IL1RAPL2: variants seen among roughly 807,000 people sequenced by gnomAD.
IL1RAPL2 encodes interleukin 1 receptor accessory protein like 2.
A neutral mutation model predicts 44.1 loss-of-function variants in IL1RAPL2; 3 were observed. The ratio of observed to expected loss-of-function variants is 0.07; its 90% CI spans 0.03 to 0.18. The LOEUF is 0.18. Among genes scored for constraint, IL1RAPL2 ranks in the 10% least tolerant of loss-of-function variants. IL1RAPL2 has a pLI of 1.00. For missense variants in IL1RAPL2, 391 were observed against 496.4 expected, an observed-to-expected ratio of 0.79 and a Z score of 2.02; for synonymous variants, 181 against 178.8, an observed-to-expected ratio of 1.01 and a Z score of -0.10.
At chrX:104,998,442 G>A (rs2030787792) in intron 2 of IL1RAPL2, among the ~76,000 whole-genome samples, 1 of 110,823 alleles carries the variant, frequency 9.0e-6, no homozygotes, top group Non-Finnish European at 1.9e-5. Flanking sequence ...GAAGAATATG[G>A]TAACAAGGGG....
chrX:104,716,348 C>T (rs1168512670), intron 2 of IL1RAPL2, among the ~76,000 whole-genome samples: 4 of 110,629 alleles, frequency 3.6e-5, no homozygotes, highest in Non-Finnish European at 7.6e-5. Flanking sequence ...TAGGTAATAC[C>T]ATTCAGAACA....
At chrX:105,517,509 G>A (rs1207791989) in intron 6 of IL1RAPL2, among the ~76,000 whole-genome samples, 1 of 110,921 alleles carries the variant, frequency 9.0e-6, no homozygotes, top group Non-Finnish European at 1.9e-5. Flanking sequence ...TTCTGCACTT[G>A]CTCTATCATT....
At chrX:105,242,602 G>A (rs2034180571) in intron 4 of IL1RAPL2, among the ~76,000 whole-genome samples, 1 of 111,269 alleles carries the variant, frequency 9.0e-6, no homozygotes, top group African/African-American at 3.3e-5. Context: ...ACTGTTAGGT[G>A]GAACCACAAA....
chrX:105,027,834 C>A (rs766287895), intron 2 of IL1RAPL2, among the ~76,000 whole-genome samples: 3 of 111,540 alleles, frequency 2.7e-5, no homozygotes, highest in Middle Eastern at 9.3e-3. Flanking sequence ...TGGGCACATA[C>A]CCAAAAGAAA....
At chrX:104,959,726 A>G (rs2029969241) in intron 2 of IL1RAPL2, among the ~76,000 whole-genome samples, 1 of 110,905 alleles carries the variant, frequency 9.0e-6, no homozygotes, top group Non-Finnish European at 1.9e-5. Context: ...TTACCCCTCT[A>G]CCTTAAGATT....
chrX:105,701,195 G>A (rs2038116621), intron 6 of IL1RAPL2, among the ~76,000 whole-genome samples: 1 of 111,689 alleles, frequency 9.0e-6, no homozygotes, highest in South Asian at 3.8e-4. Flanking sequence ...GGAATTTTGG[G>A]CACTATGCAG....
intron 5 of IL1RAPL2, among the ~76,000 whole-genome samples, chrX:105,409,841 T>TAGATAGAC (rs1159357810): frequency 1.1e-5 from 1 of 89,501 alleles, no homozygotes; most frequent in Non-Finnish European, 2.2e-5. Flanking sequence ...GATAGATAGA[T>TAGATAGAC]AGATAGACAG....
chrX:105,504,720 G>T (rs961496882), intron 6 of IL1RAPL2, among the ~76,000 whole-genome samples: 3 of 111,427 alleles, frequency 2.7e-5, no homozygotes, highest in African/African-American at 9.8e-5. Flanking sequence ...GAGCAAAATA[G>T]CTGACATGTA....
chrX:105,097,344 A>C (rs1418344905), intron 2 of IL1RAPL2, among the ~76,000 whole-genome samples: 4 of 106,249 alleles, frequency 3.8e-5, no homozygotes, highest in African/African-American at 6.9e-5. Context: ...AAAAAAAAAA[A>C]AAAAAAAAAA....
chrX:105,128,600 C>T (rs947158468), intron 2 of IL1RAPL2, among the ~76,000 whole-genome samples: 1 of 111,043 alleles, frequency 9.0e-6, no homozygotes, highest in Admixed American at 9.6e-5. Flanking sequence ...ACAATTTATT[C>T]AACCATTTCC....
At chrX:105,583,591 C>A (rs901893528) in intron 6 of IL1RAPL2, among the ~76,000 whole-genome samples, 1 of 111,868 alleles carries the variant, frequency 8.9e-6, no homozygotes, top group Non-Finnish European at 1.9e-5. Flanking sequence ...CTTTTAGTGC[C>A]TGTTGACTAT....
At chrX:104,873,012 G>A (rs932862823) in intron 2 of IL1RAPL2, among the ~76,000 whole-genome samples, 11 of 111,617 alleles carry the variant, frequency 9.9e-5, no homozygotes, top group East Asian at 5.6e-4. Context: ...TTATAATTGC[G>A]TATGTGTATA....
rs1328888029 is a variant in IL1RAPL2, at chrX:104,658,985, G to A, written c.72G>A (p.Lys24=). ...VVSTNLKMVS[K]RNSVDGCIDW... is the part of the protein sequence containing the mutation. ...GCACAAATCTGAAGATGGTGTCAAA[G>A]AGAAATTCTGGTAAGTTGCTGGCAA... The change falls in exon 2 of 11, where the codon AAG becomes AAA. Residue 24 remains lysine (K), a synonymous_variant. Transcript: ENST00000372582. 8.3e-6 allele frequency: 10 copies of A among 1,200,626 alleles called. 1 individual carries two copies. The East Asian group carries it at 8.9e-5, about 11-fold the overall frequency.
At chrX:105,037,883 T>A (rs1205401265) in intron 2 of IL1RAPL2, among the ~76,000 whole-genome samples, 1 of 111,707 alleles carries the variant, frequency 9.0e-6, no homozygotes, top group Non-Finnish European at 1.9e-5. Context: ...CACCTCTAAC[T>A]GACTTTTGAA....
At chrX:105,355,952 C>T (rs2035198862) in intron 5 of IL1RAPL2, among the ~76,000 whole-genome samples, 1 of 110,847 alleles carries the variant, frequency 9.0e-6, no homozygotes, top group African/African-American at 3.3e-5. Context: ...TGGACTAATA[C>T]TAGTATTGAT....
At chrX:104,634,543 A>G (rs1287112182) in intron 1 of IL1RAPL2, among the ~76,000 whole-genome samples, 2 of 111,856 alleles carry the variant, frequency 1.8e-5, no homozygotes, top group Non-Finnish European at 3.8e-5. Flanking sequence ...CTGGGTGCAT[A>G]TATATTTAGG....
At chrX:104,853,796 G>A (rs975068308) in intron 2 of IL1RAPL2, among the ~76,000 whole-genome samples, 13 of 107,044 alleles carry the variant, frequency 1.2e-4, no homozygotes, top group African/African-American at 3.4e-4. Context: ...CCAGCTACTC[G>A]GGAGGCTGAG....
intron 1 of IL1RAPL2, among the ~76,000 whole-genome samples, chrX:104,631,285 A>G (rs113896483): frequency 0.17 from 18,516 of 111,296 alleles, 3,844 homozygotes; most frequent in African/African-American, 0.58. Flanking sequence ...TGTGAATAGT[A>G]CCAAAATAAA....
rs762202022 is a variant in IL1RAPL2, at chrX:104,642,514, T to A, written c.-19-16381T>A. Among the ~76,000 whole-genome samples, 304 of 111,293 alleles carry A rather than the reference T, an allele frequency of 2.7e-3. 5 individuals carry two copies. The highest frequency in any genetic ancestry group is 3.8e-3 in the Non-Finnish European group (201 of 53,002). On this transcript the variant is annotated intron_variant, in intron 1 of 10. Coordinates refer to ENST00000372582, the MANE Select transcript of IL1RAPL2 (RefSeq NM_017416.2). The stretch of plus-strand genomic sequence containing the variant: ...TTTCTTTTTTTTTTTGACGGAGTTT[T>A]ACTCTTGTTGCCCAGGCTGGAGTCC...
Sources: gnomAD v4.1 joint callset for allele counts (sites outside exome capture counted in the v4.1 genomes callset) on GRCh38, gnomAD v4.1.1 for gene constraint, MANE v1.5 for transcripts, NCBI Gene and HGNC (gene_info 2026-07-23, HGNC 2026-07-21) for gene names.